MAGEB10: variants seen among roughly 807,000 people sequenced by gnomAD.
MAGEB10 encodes the protein melanoma-associated antigen B10.
For synonymous variants in MAGEB10, 99 were observed against 101.0 expected (o/e 0.98, Z 0.12); for missense variants, 190 against 261.9 (o/e 0.73, Z 1.89).
At chrX:27,813,309 A>G (rs755969206) in intron 1 of MAGEB10, among the ~76,000 whole-genome samples, 1 of 112,016 alleles carries the variant, frequency 8.9e-6, no homozygotes, top group Admixed American at 9.4e-5. Context: ...GTAAAAGATG[A>G]TAAATGCTTT....
chrX:27,809,704 T>C (rs183150140), intron 1 of MAGEB10, among the ~76,000 whole-genome samples: 34,924 of 92,996 alleles, frequency 0.38, 6,460 homozygotes, highest in Non-Finnish European at 0.5. Context: ...GGCAGGCAGC[T>C]CCACCTGCGG....
intron 2 of MAGEB10, among the ~76,000 whole-genome samples, chrX:27,818,444 G>A (rs1923821945): frequency 9.0e-6 from 1 of 111,647 alleles, no homozygotes; most frequent in Non-Finnish European, 1.9e-5. Context: ...AATGAGTAGT[G>A]GCATAGTGTA....
Position 27,821,265 on chromosome X carries a change from G to T in MAGEB10, c.-42G>T. On this transcript the variant is annotated 5_prime_UTR_variant, in exon 3 of 3. Transcript: ENST00000356790. ...TCATCTTCTCTTCTCCAGGTCACGGGATCACCTGCCTTTTTGGCTGCTGCA... is the reference window on the plus strand; with the variant it reads ...TCATCTTCTCTTCTCCAGGTCACGGTATCACCTGCCTTTTTGGCTGCTGCA... 8.9e-7 allele frequency: 1 copy of T among 1,119,527 alleles called. No homozygotes were observed. The highest frequency in any genetic ancestry group is 1.2e-6 in the Non-Finnish European group (1 of 820,502). The allele number at this position is 1,119,527 out of a possible 1,213,427, so 92.3% of individuals were successfully genotyped here.
chrX:27,811,504 T>C (rs914900690), intron 1 of MAGEB10, among the ~76,000 whole-genome samples: 11 of 111,147 alleles, frequency 9.9e-5, no homozygotes, highest in African/African-American at 3.6e-4. Flanking sequence ...AGCAGTGAGA[T>C]AACAGGTCCT....
At chrX:27,821,000 A>C (rs1218285130) in intron 2 of MAGEB10, among the ~76,000 whole-genome samples, 1 of 111,087 alleles carries the variant, frequency 9.0e-6, no homozygotes, top group Non-Finnish European at 1.9e-5. Context: ...CCAAGAACAA[A>C]GGGGCCTCCA....
At chrX:27,814,874 A>G (rs987086144) in intron 1 of MAGEB10, among the ~76,000 whole-genome samples, 14 of 112,179 alleles carry the variant, frequency 1.2e-4, no homozygotes, top group Non-Finnish European at 2.4e-4. Flanking sequence ...CTTTTAATTC[A>G]TTTCTCTTCT....
chrX:27,821,142 G>A (rs1216823948), intron 2 of MAGEB10, 116 bp from the exon 3 acceptor site: 5 of 448,681 alleles, frequency 1.1e-5, no homozygotes, highest in Non-Finnish European at 1.9e-5. Flanking sequence ...AAGAATAGGG[G>A]CCTTGTTTTT....
At chrX:27,819,901 G>C in intron 2 of MAGEB10, among the ~76,000 whole-genome samples, 1 of 111,253 alleles carries the variant, frequency 9.0e-6, no homozygotes, top group Non-Finnish European at 1.9e-5. Flanking sequence ...GGAGTTCCAG[G>C]CCCTGCTAGG....
chrX:27,818,764 A>C (rs771997720), intron 2 of MAGEB10, among the ~76,000 whole-genome samples: 1 of 112,022 alleles, frequency 8.9e-6, no homozygotes, highest in African/African-American at 3.2e-5. Flanking sequence ...GCAGGTAACA[A>C]GTATAGGTGG....
In MAGEB10 at chrX:27,821,652, A is replaced by G; in HGVS notation, c.346A>G (p.Ile116Val). Residue 116 changes from isoleucine (I) to valine (V), a missense_variant, in exon 3 of 3, where the codon ATT (isoleucine) becomes GTT (valine). Coordinates refer to ENST00000356790, the MANE Select transcript of MAGEB10 (RefSeq NM_182506.3). ...CAGAGGCCCTGTAGATGAGAAAGTA[A>G]TTATATTGGTGCATTACTTGCTGTA... The part of the protein sequence containing the change: ...FPRGPVDEKV[I>V]ILVHYLLYKY... 1 of 1,211,718 alleles carries G rather than the reference A, an allele frequency of 8.3e-7. No homozygotes were observed. Among genetic ancestry groups the G allele is most frequent in the Non-Finnish European group, 1.1e-6 (1 of 895,477 alleles).
chrX:27,812,174 G>A (rs1923700957), intron 1 of MAGEB10: 1 of 119,279 alleles, frequency 8.4e-6, no homozygotes, highest in African/African-American at 3.2e-5. Flanking sequence ...ATGCCTCACA[G>A]GCCCAGGCTA....
At chrX:27,814,088 T>C (rs925016257) in intron 1 of MAGEB10, among the ~76,000 whole-genome samples, 29 of 111,469 alleles carry the variant, frequency 2.6e-4, no homozygotes, top group African/African-American at 9.2e-4. Flanking sequence ...TTAAAAAAAC[T>C]TGTACTTTAA....
chrX:27,809,684 G>T (rs1428137781), intron 1 of MAGEB10, among the ~76,000 whole-genome samples: 1 of 89,285 alleles, frequency 1.1e-5, no homozygotes, highest in Non-Finnish European at 2.2e-5. Flanking sequence ...CGGGCGCATG[G>T]CGCGGGACTG....
Position 27,811,371 on chromosome X carries a change from A to G in MAGEB10, c.-199+3335A>G, listed in dbSNP as rs140785082. ...TAAAGAGGGTCTCACCGATCTCTGC[A>G]TTGCTGCCATTCCACAATGTCCCCC... On this transcript the variant is annotated intron_variant, in intron 1 of 2. Transcript: ENST00000356790. 6.2e-3 allele frequency among the ~76,000 whole-genome samples: 687 copies of G among 111,396 alleles called. 5 individuals carry two copies. Among genetic ancestry groups the G allele is most frequent in the African/African-American group, 0.021 (656 of 30,660 alleles).
At chrX:27,816,974 C>G (rs1423021549) in intron 1 of MAGEB10, among the ~76,000 whole-genome samples, 4 of 109,453 alleles carry the variant, frequency 3.7e-5, no homozygotes. Context: ...GTGACTACCC[C>G]CCTTGACACT....
At chrX:27,812,709 C>G (rs964530568) in intron 1 of MAGEB10, 1 of 364,386 alleles carries the variant, frequency 2.7e-6, no homozygotes, top group Non-Finnish European at 5.5e-6. Flanking sequence ...CCTGTGGCGT[C>G]CACGAGCCTA....
intron 1 of MAGEB10, chrX:27,812,344 G>A (rs1047091314): frequency 6.8e-6 from 1 of 146,949 alleles, no homozygotes; most frequent in Non-Finnish European, 1.4e-5. Context: ...ATCCTGAGGA[G>A]AGCTTCTGAT....
At chrX:27,809,130 G>A (rs1335603761) in intron 1 of MAGEB10, among the ~76,000 whole-genome samples, 1 of 111,837 alleles carries the variant, frequency 8.9e-6, no homozygotes, top group Admixed American at 9.4e-5. Context: ...CTTGCAGGGA[G>A]GTGTGGAGGG....
At chrX:27,815,213 C>T (rs995956184) in intron 1 of MAGEB10, among the ~76,000 whole-genome samples, 1 of 112,361 alleles carries the variant, frequency 8.9e-6, no homozygotes. Context: ...AGGCTGCACC[C>T]TGCTCCCTAT....
Sources: gnomAD v4.1 joint callset for allele counts (sites outside exome capture counted in the v4.1 genomes callset) on GRCh38, gnomAD v4.1.1 for gene constraint, MANE v1.5 for transcripts, NCBI Gene and HGNC (gene_info 2026-07-23, HGNC 2026-07-21) for gene names.